CHRM2: variants seen among roughly 807,000 people sequenced by gnomAD.
CHRM2 encodes the protein muscarinic acetylcholine receptor M2.
Under a neutral mutation model 25.0 loss-of-function variants are expected in CHRM2, and 8 were observed. The observed-to-expected ratio is 0.32, with a 90% CI of 0.19 to 0.58. The LOEUF (loss-of-function observed/expected upper bound fraction) is 0.58. Ranked by LOEUF, CHRM2 falls within the 20% of genes least tolerant of loss-of-function variation. The pLI is 0.88. For synonymous variants in CHRM2, 202 were observed against 205.7 expected (o/e 0.98, Z 0.15); for missense variants, 440 against 567.1 (o/e 0.78, Z 2.28).
intron 3 of CHRM2, among the ~76,000 whole-genome samples, chr7:137,010,353 T>TA (rs1410227769): frequency 5.3e-5 from 8 of 152,082 alleles, no homozygotes; most frequent in African/African-American, 1.9e-4. Flanking sequence ...AACTAGGCAG[T>TA]AAAATACCAA....
intron 3 of CHRM2, among the ~76,000 whole-genome samples, chr7:137,000,778 CA>C (rs1034369867): frequency 1.3e-5 from 2 of 151,360 alleles, no homozygotes; most frequent in Non-Finnish European, 2.9e-5. Flanking sequence ...TGCATGTAAC[CA>C]AAAACACCTG....
intron 3 of CHRM2, among the ~76,000 whole-genome samples, chr7:136,995,672 G>C (rs1216791982): frequency 6.6e-6 from 1 of 152,064 alleles, no homozygotes; most frequent in East Asian, 1.9e-4. Flanking sequence ...GCTGAGGTGG[G>C]AGGATTGCAT....
At chr7:136,909,072 G>A (rs1797705207) in intron 2 of CHRM2, among the ~76,000 whole-genome samples, 1 of 151,878 alleles carries the variant, frequency 6.6e-6, no homozygotes, top group African/African-American at 2.4e-5. Context: ...TGCTAGTTAT[G>A]TGATAATATG....
intron 2 of CHRM2, among the ~76,000 whole-genome samples, chr7:136,935,855 T>C (rs1409726344): frequency 1.3e-5 from 2 of 152,166 alleles, no homozygotes; most frequent in Non-Finnish European, 2.9e-5. Context: ...GGAAATCTTT[T>C]CTTTCCTGAG....
chr7:136,918,574 T>TA (rs903047177), intron 2 of CHRM2, among the ~76,000 whole-genome samples: 172 of 151,986 alleles, frequency 1.1e-3, no homozygotes, highest in African/African-American at 3.9e-3. Context: ...AACAGTTTTT[T>TA]AAAAAAATAT....
intron 2 of CHRM2, chr7:136,938,632 G>A (rs1208410354): frequency 7.1e-6 from 6 of 840,328 alleles, no homozygotes; most frequent in African/African-American, 1.7e-5. Context: ...AGCTCGAGGA[G>A]CTCATGCGGG....
chr7:136,950,397 G>T (rs1329052938), intron 2 of CHRM2, among the ~76,000 whole-genome samples: 1 of 152,102 alleles, frequency 6.6e-6, no homozygotes, highest in Admixed American at 6.5e-5. Context: ...TGGGAGTGGG[G>T]ATCAGGGTAG....
intron 2 of CHRM2, among the ~76,000 whole-genome samples, chr7:136,964,224 A>T (rs964668976): frequency 2.0e-5 from 3 of 151,468 alleles, no homozygotes; most frequent in African/African-American, 7.3e-5. Context: ...GAAATGGTTA[A>T]ATATATATAT....
chr7:136,946,102 C>T (rs1800057706), intron 2 of CHRM2, among the ~76,000 whole-genome samples: 1 of 152,026 alleles, frequency 6.6e-6, no homozygotes, highest in Non-Finnish European at 1.5e-5. Flanking sequence ...GATTCAATTG[C>T]TGCAGCTGTC....
chr7:136,925,703 G>C (rs189965154), intron 2 of CHRM2, among the ~76,000 whole-genome samples: 70 of 152,148 alleles, frequency 4.6e-4, no homozygotes, highest in African/African-American at 1.5e-3. Flanking sequence ...GAAATATTCA[G>C]GGCTTTTTAG....
At chr7:136,970,760 A>T (rs1457370013) in intron 2 of CHRM2, among the ~76,000 whole-genome samples, 1 of 152,230 alleles carries the variant, frequency 6.6e-6, no homozygotes, top group South Asian at 2.1e-4. Flanking sequence ...CCTTAGAGAA[A>T]AAAGGCCATT....
At chr7:136,909,044 A>T (rs1327579429) in intron 2 of CHRM2, among the ~76,000 whole-genome samples, 1 of 151,706 alleles carries the variant, frequency 6.6e-6, no homozygotes, top group Non-Finnish European at 1.5e-5. Flanking sequence ...CTGTGATTTT[A>T]TGCTTTCTGT....
At chr7:137,007,956 C>G (rs1401742404) in intron 3 of CHRM2, among the ~76,000 whole-genome samples, 3 of 151,930 alleles carry the variant, frequency 2.0e-5, no homozygotes, top group East Asian at 1.9e-4. Context: ...AACATAATCT[C>G]AAAGCCTATT....
chr7:136,995,780 A>G (rs1168258716), intron 3 of CHRM2, among the ~76,000 whole-genome samples: 1 of 152,022 alleles, frequency 6.6e-6, no homozygotes, highest in African/African-American at 2.4e-5. Context: ...TAAATAAATA[A>G]ATAAAATTTT....
At chr7:136,884,311 T>C (rs1255354636) in intron 2 of CHRM2, among the ~76,000 whole-genome samples, 2 of 152,162 alleles carry the variant, frequency 1.3e-5, no homozygotes, top group African/African-American at 4.8e-5. Context: ...AAAAATTGTC[T>C]GTGCAATGTC....
intron 2 of CHRM2, among the ~76,000 whole-genome samples, chr7:136,887,169 GTTAAT>G (rs980709108): frequency 6.6e-6 from 1 of 152,098 alleles, no homozygotes; most frequent in African/African-American, 2.4e-5. Flanking sequence ...TGATGGCTAT[GTTAAT>G]TTATTCTACT....
At chr7:136,991,681 A>G (rs918934876) in intron 2 of CHRM2, among the ~76,000 whole-genome samples, 5 of 152,006 alleles carry the variant, frequency 3.3e-5, no homozygotes, top group African/African-American at 1.2e-4. Flanking sequence ...TAGATTGACA[A>G]TCTTCTCTTG....
intron 2 of CHRM2, among the ~76,000 whole-genome samples, chr7:136,940,118 C>T (rs897290382): frequency 1.3e-5 from 2 of 152,126 alleles, no homozygotes; most frequent in Non-Finnish European, 2.9e-5. Flanking sequence ...TGAGCCAAAA[C>T]TAAGTGGTAT....
intron 3 of CHRM2, among the ~76,000 whole-genome samples, chr7:136,995,163 T>C (rs1002342671): frequency 6.6e-6 from 1 of 152,162 alleles, no homozygotes; most frequent in Non-Finnish European, 1.5e-5. Flanking sequence ...TTTTATCTTA[T>C]TAACATATTC....
Sources: allele counts gnomAD v4.1 joint callset (sites outside exome capture counted in the v4.1 genomes callset), GRCh38; gene constraint gnomAD v4.1.1; transcripts MANE v1.5; gene names NCBI Gene and HGNC (gene_info 2026-07-23, HGNC 2026-07-21).